MRGPRX3: variants seen among roughly 807,000 people sequenced by gnomAD.
MRGPRX3 encodes mas-related G protein-coupled receptor member X3.
In MRGPRX3, 14 loss-of-function variants were observed where a neutral mutation model predicts 16.5. That is an observed-to-expected ratio of 0.85 (90% CI 0.56 to 1.33). The LOEUF is 1.33. MRGPRX3 is among the 40% of genes most tolerant of loss of function. The pLI is 0.00. For synonymous variants in MRGPRX3, 199 were observed against 180.1 expected (o/e 1.10, Z -0.84); for missense variants, 449 against 413.0 (o/e 1.09, Z -0.76).
chr11:18,136,630 C>T (rs1472344722), intron 1 of MRGPRX3, among the ~76,000 whole-genome samples: 1 of 152,206 alleles, frequency 6.6e-6, no homozygotes, highest in Non-Finnish European at 1.5e-5. Context: ...CATTGTGCTG[C>T]TTATGGAATA....
intron 1 of MRGPRX3, among the ~76,000 whole-genome samples, chr11:18,126,294 T>A (rs1250774118): frequency 6.6e-6 from 1 of 152,200 alleles, no homozygotes; most frequent in East Asian, 1.9e-4. Flanking sequence ...ACATTGATGG[T>A]CTTTACAACT....
chr11:18,135,552 G>A (rs540692111), intron 1 of MRGPRX3, among the ~76,000 whole-genome samples: 7 of 152,266 alleles, frequency 4.6e-5, no homozygotes, highest in South Asian at 4.1e-4. Flanking sequence ...CAGAGCAAAC[G>A]TGGCCTCTGA....
At chr11:18,133,771 TTTC>T (rs1258339837) in intron 1 of MRGPRX3, among the ~76,000 whole-genome samples, 5 of 152,196 alleles carry the variant, frequency 3.3e-5, no homozygotes, top group Non-Finnish European at 5.9e-5. Flanking sequence ...GTCTCAGGTA[TTTC>T]TTTTTAGCAA....
intron 1 of MRGPRX3, among the ~76,000 whole-genome samples, chr11:18,134,747 T>C (rs905159723): frequency 9.9e-5 from 15 of 152,158 alleles, no homozygotes; most frequent in African/African-American, 3.4e-4. Flanking sequence ...TCCAGTCTTA[T>C]GGAAAAAGGA....
In MRGPRX3 at chr11:18,138,161, T is replaced by G. The variant is rs1185477878; in HGVS notation, c.959T>G (p.Leu320Trp). The G allele has an allele frequency of 7.5e-6, 12 of 1,610,010 alleles. No individual in the cohort carries two copies. The highest frequency in any genetic ancestry group is 1.0e-5 in the Non-Finnish European group (12 of 1,177,736). Residue 320 changes from leucine (L) to tryptophan (W), a missense_variant, in exon 2 of 2, where the codon TTG becomes TGG. Transcript: ENST00000621697. ...ACCCTGGAGCTGTCGGGAAGCAGAT[T>G]GGAGCAGTGAGGAAGAACCTCTGCC... ...QETLELSGSR[L>W]EQ
In MRGPRX3 at chr11:18,138,200, C is replaced by A; in HGVS notation, c.*29C>A. The A allele has an allele frequency of 1.3e-6, 2 of 1,567,574 alleles. No homozygotes were observed. Among genetic ancestry groups the A allele is most frequent in the Non-Finnish European group, 1.7e-6 (2 of 1,159,074 alleles). On this transcript the variant is annotated 3_prime_UTR_variant, in exon 2 of 2. Coordinates refer to ENST00000621697, the MANE Select transcript of MRGPRX3 (RefSeq NM_001370464.1). ...AGAACCTCTGCCCTGTCAGACAGGA[C>A]TTTGAGAGCAATGCTGCCCTGCCAC... is the stretch of plus-strand genomic sequence containing the variant.
At chr11:18,129,189 G>A (rs1008947342), upstream of MRGPRX3, among the ~76,000 whole-genome samples, 13 of 152,090 alleles carry the variant, frequency 8.5e-5, no homozygotes, top group Admixed American at 1.3e-4. Context: ...AAATAAAAAC[G>A]ATCAGAGCAG....
chr11:18,131,405 A>G (rs1848959833), upstream of MRGPRX3, among the ~76,000 whole-genome samples: 1 of 152,196 alleles, frequency 6.6e-6, no homozygotes, highest in Admixed American at 6.5e-5. Flanking sequence ...AAAAGAAGAT[A>G]TACAAATGGC....
Position 18,137,599 on chromosome 11 carries a change from C to T in MRGPRX3, c.397C>T (p.Arg133Cys), listed in dbSNP as rs565496221. 6.3e-5 allele frequency: 101 copies of T among 1,614,136 alleles called. No homozygotes were observed. The highest frequency in any genetic ancestry group is 2.3e-4 in the South Asian group (21 of 91,062). ...SILWPIWYHC[R>C]RPRYLSSVMC... ...CCTGTGGCCCATCTGGTACCACTGC[C>T]GCCGCCCCAGATACCTGTCATCAGT... Residue 133 changes from arginine (R) to cysteine (C), a missense_variant, in exon 2 of 2, where the codon CGC becomes TGC. Transcript: ENST00000621697.
chr11:18,121,703 C>CA (rs1848838616), intron 1 of MRGPRX3, among the ~76,000 whole-genome samples: 1 of 152,196 alleles, frequency 6.6e-6, no homozygotes, highest in African/African-American at 2.4e-5. Context: ...ACCTTACCCC[C>CA]AACCCTGTGC....
Position 18,138,060 on chromosome 11 carries a change from C to G in MRGPRX3, c.858C>G (p.Asn286Lys), listed in dbSNP as rs748252129. Residue 286 changes from asparagine to lysine, a missense_variant, in exon 2 of 2, where the codon AAC becomes AAG. Coordinates refer to ENST00000621697, the MANE Select transcript of MRGPRX3 (RefSeq NM_001370464.1). ...GSFRQRQNRQ[N>K]LKLVLQRALQ... ...TTAGGCAGCGTCAAAATAGGCAGAA[C>G]CTGAAGCTGGTTCTCCAGAGGGCTC... 5 of 1,614,054 alleles carry G rather than the reference C, an allele frequency of 3.1e-6. No homozygotes were observed. Among genetic ancestry groups the G allele is most frequent in the African/African-American group, 1.3e-5 (1 of 74,914 alleles).
At chr11:18,122,261 G>C (rs1848847979) in intron 1 of MRGPRX3, among the ~76,000 whole-genome samples, 1 of 152,048 alleles carries the variant, frequency 6.6e-6, no homozygotes, top group African/African-American at 2.4e-5. Context: ...ATGGAGGTTT[G>C]TTACATAGAT....
At position 18,121,846 on chromosome 11, in the gene MRGPRX3, AG is replaced by A. The variant is rs1298142594; in HGVS notation, c.-152+685del. On this transcript the variant is annotated intron_variant, in intron 1 of 2. Coordinates refer to the MRGPRX3 transcript ENST00000396275. ...CACCACTCCCTAATCTCAAGTACCCAGGGACACAAACACTGCGGAAGGCCTC... is the reference window on the plus strand; with the variant it reads ...CACCACTCCCTAATCTCAAGTACCCAGGACACAAACACTGCGGAAGGCCTC... Among the ~76,000 whole-genome samples the A allele has an allele frequency of 4.6e-5, 7 of 152,248 alleles. No individual in the cohort carries two copies. In the East Asian group the frequency reaches 1.2e-3, roughly 25 times the overall value.
At chr11:18,133,716 T>C (rs1373492866) in intron 1 of MRGPRX3, among the ~76,000 whole-genome samples, 3 of 152,196 alleles carry the variant, frequency 2.0e-5, no homozygotes, top group Non-Finnish European at 4.4e-5. Context: ...GTACAGTCTG[T>C]AGAGCTATTA....
At chr11:18,127,014 A>G (rs10832886) in intron 1 of MRGPRX3, among the ~76,000 whole-genome samples, 152,245 of 152,366 alleles carry the variant, frequency 1, 76,062 homozygotes, top group Non-Finnish European at 1. Context: ...CCCAGTAATG[A>G]GATGGCTGGG....
upstream of MRGPRX3, among the ~76,000 whole-genome samples, chr11:18,130,356 C>A (rs1250170952): frequency 6.6e-6 from 1 of 152,132 alleles, no homozygotes; most frequent in East Asian, 1.9e-4. Context: ...TAAATGTACA[C>A]AAATCAGTAG....
chr11:18,130,201 A>C (rs189694482), upstream of MRGPRX3, among the ~76,000 whole-genome samples: 1 of 152,176 alleles, frequency 6.6e-6, no homozygotes, highest in South Asian at 2.1e-4. Flanking sequence ...AGAGAAAGAA[A>C]TCAAGGGCAC....
rs1438441396 is a variant in MRGPRX3 at position 18,137,236 on chromosome 11, C to A, written c.34C>A (p.Leu12Met). Residue 12 changes from leucine to methionine, a missense_variant, in exon 2 of 2, where the codon CTG (leucine) becomes ATG (methionine). Coordinates refer to ENST00000621697, the MANE Select transcript of MRGPRX3 (RefSeq NM_001370464.1). The stretch of plus-strand genomic sequence containing the variant: ...AACCATCCCAGTCTTGGGTACAGAA[C>A]TGACACCAATCAACGGACGTGAGGA... ...DSTIPVLGTE[L>M]TPINGREETP... is the part of the protein sequence containing the mutation. 1 of 1,611,324 alleles carries A rather than the reference C, an allele frequency of 6.2e-7. No homozygotes were observed. The highest frequency in any genetic ancestry group is 1.3e-5 in the African/African-American group (1 of 74,882).
At chr11:18,123,560 T>C (rs1014043817) in intron 1 of MRGPRX3, among the ~76,000 whole-genome samples, 1 of 152,216 alleles carries the variant, frequency 6.6e-6, no homozygotes, top group Non-Finnish European at 1.5e-5. Context: ...TCTGTTTTGG[T>C]ACCAGTACCA....
Sources: allele counts gnomAD v4.1 joint callset (sites outside exome capture counted in the v4.1 genomes callset), GRCh38; gene constraint gnomAD v4.1.1; transcripts MANE v1.5; gene names NCBI Gene and HGNC (gene_info 2026-07-23, HGNC 2026-07-21).